CCR5AS: variants seen among roughly 807,000 people sequenced by gnomAD.
CCR5AS encodes CCR5 antisense RNA.
rs543986307 is a variant in CCR5AS at position 46,364,488 on chromosome 3, A to G, written n.1123T>C. On this transcript the variant is annotated non_coding_transcript_exon_variant, in exon 4 of 4. Transcript: ENST00000451485. Reference sequence around the variant, plus strand: ...TTTCAAAATATTACTGCTCTGCACCATGTCGATCAAGAGCTGTGTTGGAGA... The same window carrying G: ...TTTCAAAATATTACTGCTCTGCACCGTGTCGATCAAGAGCTGTGTTGGAGA... Among the ~76,000 whole-genome samples, 21 of 152,330 alleles carry G rather than the reference A, an allele frequency of 1.4e-4. 1 individual carries two copies. In the Middle Eastern group the frequency reaches 0.01, roughly 74 times the overall value.
intron 1 of CCR5AS, among the ~76,000 whole-genome samples, chr3:46,394,203 A>G (rs1407632076): frequency 6.6e-6 from 1 of 152,128 alleles, no homozygotes; most frequent in Non-Finnish European, 1.5e-5. Context: ...ATGCACCTCA[A>G]CATCCTGGAA....
intron 3 of CCR5AS, among the ~76,000 whole-genome samples, chr3:46,370,124 G>C (rs1701642391): frequency 6.6e-6 from 1 of 152,046 alleles, no homozygotes; most frequent in African/African-American, 2.4e-5. Context: ...CTTATGTCAT[G>C]TGGAAAATTT....
chr3:46,405,832 A>G (rs1168775432), intron 1 of CCR5AS, among the ~76,000 whole-genome samples: 4 of 151,494 alleles, frequency 2.6e-5, no homozygotes, highest in Admixed American at 2.6e-4. Context: ...TTCTCTTAAT[A>G]GTTCTCTCTC....
chr3:46,387,579 T>C lies in CCR5AS; in HGVS notation n.391+5246A>G, dbSNP rs1222038523. Among the ~76,000 whole-genome samples, 3 of 152,150 alleles carry C rather than the reference T, an allele frequency of 2.0e-5. No individual in the cohort carries two copies. In the East Asian group the frequency reaches 5.8e-4, roughly 29 times the overall value. ...GCCTGAGCAACATGGCAAAACCCCG[T>C]CTCTACAAAAAATACAAAAATTAAC... On this transcript the variant is annotated intron_variant and non_coding_transcript_variant, in intron 2 of 3. Transcript: ENST00000451485.
At position 46,382,190 on chromosome 3, in the gene CCR5AS, C is replaced by T. The variant is rs143994695; in HGVS notation, n.391+10635G>A. 1.7e-3 allele frequency among the ~76,000 whole-genome samples: 255 copies of T among 152,292 alleles called. 1 individual carries two copies. The highest frequency in any genetic ancestry group is 5.7e-3 in the African/African-American group (235 of 41,554). ...TCCATCTTCCCTTTTCTTTGTCAAC[C>T]AAGTGTACAGTAAAGGAACAGGCAA... On this transcript the variant is annotated intron_variant and non_coding_transcript_variant, in intron 2 of 3. Transcript: ENST00000451485.
chr3:46,384,870 TAGATAGATAGA>T (rs768414201), intron 2 of CCR5AS, among the ~76,000 whole-genome samples: 1 of 101,920 alleles, frequency 9.8e-6, no homozygotes, highest in East Asian at 2.6e-4. Context: ...GATAGATAGA[TAGATAGATAGA>T]TAGATAGATA....
chr3:46,364,367 C>G (rs1701580920), downstream of CCR5AS, among the ~76,000 whole-genome samples: 1 of 152,174 alleles, frequency 6.6e-6, no homozygotes. Context: ...ATAAATGGAA[C>G]AATAAAGCCT....
At chr3:46,369,141 A>G (rs1157664857) in intron 3 of CCR5AS, among the ~76,000 whole-genome samples, 2 of 152,154 alleles carry the variant, frequency 1.3e-5, no homozygotes, top group Non-Finnish European at 2.9e-5. Context: ...AAGGCTCTAC[A>G]CTTGTTATCA....
chr3:46,404,809 G>C (rs1702032001), intron 1 of CCR5AS, among the ~76,000 whole-genome samples: 1 of 152,170 alleles, frequency 6.6e-6, no homozygotes, highest in Non-Finnish European at 1.5e-5. Flanking sequence ...GTCCATTGGT[G>C]CATCCCCAGC....
chr3:46,393,493 AAAG>A (rs753202947), intron 1 of CCR5AS, among the ~76,000 whole-genome samples: 29 of 148,312 alleles, frequency 2.0e-4, no homozygotes, highest in South Asian at 4.2e-4. Flanking sequence ...AAAGAAAAAA[AAAG>A]AAGAAGAAAA....
At chr3:46,404,543 G>A (rs565526882) in intron 1 of CCR5AS, among the ~76,000 whole-genome samples, 9 of 151,808 alleles carry the variant, frequency 5.9e-5, no homozygotes, top group South Asian at 4.2e-4. Context: ...TTGCCATGTC[G>A]GCCAGGCTGT....
intron 2 of CCR5AS, among the ~76,000 whole-genome samples, chr3:46,382,878 C>T (rs142988551): frequency 0.011 from 1,626 of 152,272 alleles, 40 homozygotes; most frequent in African/African-American, 0.037. Flanking sequence ...GTTTCCAAGC[C>T]TCAGCTTTCT....
At chr3:46,377,033 C>G (rs572486893) in intron 2 of CCR5AS, among the ~76,000 whole-genome samples, 20 of 151,970 alleles carry the variant, frequency 1.3e-4, no homozygotes, top group Admixed American at 2.6e-4. Flanking sequence ...CAGGAGGGGG[C>G]TGGGGTTAGG....
chr3:46,398,140 C>CT (rs1701976961), intron 1 of CCR5AS, among the ~76,000 whole-genome samples: 2 of 152,228 alleles, frequency 1.3e-5, no homozygotes, highest in Admixed American at 6.5e-5. Context: ...GGAAAAATCT[C>CT]TGAGACTACA....
At chr3:46,391,610 G>T (rs577904637) in intron 2 of CCR5AS, among the ~76,000 whole-genome samples, 1 of 152,190 alleles carries the variant, frequency 6.6e-6, no homozygotes, top group South Asian at 2.1e-4. Context: ...ATTTGGGAGA[G>T]GTCAGCTAAA....
chr3:46,374,225 T>A (rs1029273904), intron 2 of CCR5AS: 5 of 329,778 alleles, frequency 1.5e-5, no homozygotes, highest in African/African-American at 4.3e-5. Flanking sequence ...ATCAAGTTAT[T>A]GACAAACTCT....
At chr3:46,375,066 AAGG>A (rs1701734265) in intron 2 of CCR5AS, 2 of 167,360 alleles carry the variant, frequency 1.2e-5, no homozygotes, top group Non-Finnish European at 1.5e-5. Context: ...TCAAGCACAG[AAGG>A]AGGAGGAGGA....
At chr3:46,397,214 C>T (rs1195205382) in intron 1 of CCR5AS, among the ~76,000 whole-genome samples, 1 of 151,908 alleles carries the variant, frequency 6.6e-6, no homozygotes, top group African/African-American at 2.4e-5. Context: ...CCTGTGTGCT[C>T]CCCCAGCTTG....
intron 1 of CCR5AS, among the ~76,000 whole-genome samples, chr3:46,400,570 G>A (rs2373229): frequency 1.3e-5 from 2 of 152,198 alleles, no homozygotes; most frequent in Non-Finnish European, 2.9e-5. Context: ...AAATTTTATT[G>A]TGAGAATTCA....
Sources: gnomAD v4.1 joint callset for allele counts (sites outside exome capture counted in the v4.1 genomes callset) on GRCh38, gnomAD v4.1.1 for gene constraint, MANE v1.5 for transcripts, NCBI Gene and HGNC (gene_info 2026-07-23, HGNC 2026-07-21) for gene names.